The following ZNF519 variants were observed in gnomAD, a reference collection of about 807,000 sequenced individuals.
ZNF519 encodes the protein zinc finger protein 519, also known as similar to Zinc finger protein 85 (Zinc finger protein HPF4) (HTF1).
A neutral mutation model predicts 7.4 loss-of-function variants in ZNF519; 7 were observed. The ratio of observed to expected loss-of-function variants is 0.94; its 90% CI spans 0.54 to 1.77. The LOEUF is 1.77. Among genes scored for constraint, ZNF519 ranks in the 40% most tolerant of loss-of-function variants. The pLI is 0.00. For synonymous variants in ZNF519, 179 were observed against 203.3 expected, an observed-to-expected ratio of 0.88 and a Z score of 1.02; for missense variants, 586 against 623.1, an observed-to-expected ratio of 0.94 and a Z score of 0.63.
chr18:14,071,379 C>G (rs2046027614), downstream of ZNF519: 2 of 152,000 alleles, frequency 1.3e-5, no homozygotes, highest in South Asian at 4.1e-4. Context: ...CATATACAGA[C>G]ATAGATATAG....
At chr18:14,081,983 T>C (rs1200326116) in intron 3 of ZNF519, among the ~76,000 whole-genome samples, 2 of 151,772 alleles carry the variant, frequency 1.3e-5, no homozygotes, top group Non-Finnish European at 2.9e-5. Flanking sequence ...TTAAAAACTA[T>C]GAAAATAAAA....
intron 2 of ZNF519, among the ~76,000 whole-genome samples, chr18:14,118,745 GTCC>G (rs1287118899): frequency 6.6e-6 from 1 of 152,216 alleles, no homozygotes; most frequent in East Asian, 1.9e-4. Flanking sequence ...TTCAGAAATA[GTCC>G]TCCTATCAAG....
chr18:14,089,762 AT>A (rs1433707417), intron 2 of ZNF519, among the ~76,000 whole-genome samples: 1 of 152,180 alleles, frequency 6.6e-6, no homozygotes, highest in African/African-American at 2.4e-5. Flanking sequence ...TTTATACAAA[AT>A]TTTTTAAAGG....
At chr18:14,099,378 C>A (rs1233918762), downstream of ZNF519, among the ~76,000 whole-genome samples, 1 of 152,170 alleles carries the variant, frequency 6.6e-6, no homozygotes, top group Non-Finnish European at 1.5e-5. Context: ...TATAACTCAT[C>A]TTTTAGCTCT....
rs2143121436 is a variant in ZNF519, at chr18:14,103,834, G to A, written c.*1083C>T. 6.6e-6 allele frequency: 1 copy of A among 152,072 alleles called. No homozygotes were observed. The highest frequency in any genetic ancestry group is 2.1e-4 in the South Asian group (1 of 4,818). 9.4% of individuals were successfully genotyped at this position (152,072 alleles called of 1,614,324 possible). A position where few individuals can be genotyped will look rare whatever the true frequency, so the allele number is the denominator to read the frequency against. On this transcript the variant is annotated 3_prime_UTR_variant, in exon 3 of 3. Transcript: ENST00000590202. ...TGGAATAAGTTAACATTTTTGTCAG[G>A]ATAAGACATTATTCAATAAGCAACA...
At chr18:14,074,302 G>GT (rs544826165), downstream of ZNF519, 4 of 152,140 alleles carry the variant, frequency 2.6e-5, no homozygotes, top group Non-Finnish European at 4.4e-5. Flanking sequence ...TCAGGATTCG[G>GT]TAGGAGGTCT....
At chr18:14,109,424 C>T (rs774725007) in intron 2 of ZNF519, among the ~76,000 whole-genome samples, 26 of 152,232 alleles carry the variant, frequency 1.7e-4, no homozygotes, top group Non-Finnish European at 3.7e-4. Context: ...TTTTTCTCTG[C>T]AGTGCATGAA....
intron 2 of ZNF519, among the ~76,000 whole-genome samples, chr18:14,117,781 G>C (rs1165339675): frequency 6.6e-6 from 1 of 152,008 alleles, no homozygotes; most frequent in African/African-American, 2.4e-5. Flanking sequence ...GTGAGGGTGG[G>C]GGTGCCACAT....
chr18:14,115,759 A>C (rs1184383933), intron 2 of ZNF519, among the ~76,000 whole-genome samples: 2 of 152,218 alleles, frequency 1.3e-5, no homozygotes, highest in African/African-American at 4.8e-5. Context: ...TATTCACAAT[A>C]AATACATTTT....
intron 2 of ZNF519, among the ~76,000 whole-genome samples, chr18:14,087,568 A>T (rs2046096709): frequency 6.6e-6 from 1 of 152,176 alleles, no homozygotes; most frequent in Non-Finnish European, 1.5e-5. Context: ...CAGCCAGATA[A>T]CACAGGCAGA....
At position 14,124,744 on chromosome 18, in the gene ZNF519, G is replaced by A. The variant is rs145845631; in HGVS notation, c.4-268C>T. Among the ~76,000 whole-genome samples the A allele has an allele frequency of 2.4e-3, 364 of 152,056 alleles. 4 individuals are homozygous for A. Among genetic ancestry groups the A allele is most frequent in the African/African-American group, 8.4e-3 (349 of 41,458 alleles). ...CCCTGTGACCTCCTTCTGGAACAAC[G>A]GGTGAACTCACCTCTCATTAAAGTA... On this transcript the variant is annotated intron_variant, in intron 1 of 2. Transcript: ENST00000590202.
At chr18:14,082,803 T>C (rs1271109932) in intron 3 of ZNF519, 2 of 151,970 alleles carry the variant, frequency 1.3e-5, no homozygotes, top group East Asian at 3.9e-4. Flanking sequence ...TCCTCCTCTA[T>C]CAGCTACTCA....
intron 2 of ZNF519, among the ~76,000 whole-genome samples, chr18:14,111,933 A>G (rs1185314378): frequency 6.6e-6 from 1 of 152,220 alleles, no homozygotes; most frequent in Admixed American, 6.5e-5. Context: ...GGCAAGCATT[A>G]CTCTCATACT....
rs2046285080 is a variant in ZNF519 at position 14,124,275 on chromosome 18, CAA to C, written c.130+73_130+74del. The C allele has an allele frequency of 3.5e-6, 5 of 1,409,240 alleles. No individual in the cohort carries two copies. In the Middle Eastern group the frequency reaches 7.4e-4, roughly 209 times the overall value. 87.3% of individuals were successfully genotyped at this position (1,409,240 alleles called of 1,614,324 possible). A position where few individuals can be genotyped will look rare whatever the true frequency, so the allele number is the denominator to read the frequency against. On this transcript the variant is annotated intron_variant, in intron 2 of 2. Transcript: ENST00000590202. ...TTAATTCATGCAAAGCAGAAGCTCT[CAA>C]GAGACAGTCTACAAAGAAAGAAAAT...
In ZNF519 at chr18:14,078,430, T is replaced by G. The variant is rs144786906; in HGVS notation, c.*178-132A>C. The G allele has an allele frequency of 4.6e-3, 696 of 152,254 alleles. 6 individuals are homozygous for G. Among genetic ancestry groups the G allele is most frequent in the African/African-American group, 0.015 (617 of 41,546 alleles). 9.4% of individuals were successfully genotyped at this position (152,254 alleles called of 1,614,324 possible). ...TGTAGAGACTCCAAACTGCACAATA[T>G]TTACAGAAAAAAATAGACATTTATC... On this transcript the variant is annotated intron_variant and NMD_transcript_variant, in intron 3 of 4. Transcript: ENST00000587419.
At chr18:14,089,617 G>T (rs1037586742) in intron 2 of ZNF519, among the ~76,000 whole-genome samples, 1 of 152,046 alleles carries the variant, frequency 6.6e-6, no homozygotes, top group Non-Finnish European at 1.5e-5. Flanking sequence ...AGTGGATATT[G>T]GTTAACAAGT....
chr18:14,095,149 AGTT>A (rs112815137), downstream of ZNF519, among the ~76,000 whole-genome samples: 7,084 of 152,124 alleles, frequency 0.047, 533 homozygotes, highest in African/African-American at 0.16. Flanking sequence ...GTGTGTCCAT[AGTT>A]GTTATGTTCT....
At chr18:14,088,947 G>T (rs1045043285) in intron 2 of ZNF519, among the ~76,000 whole-genome samples, 2 of 151,148 alleles carry the variant, frequency 1.3e-5, no homozygotes, top group Non-Finnish European at 2.9e-5. Flanking sequence ...TGTAAGATAT[G>T]TTTTTGGAAT....
chr18:14,119,776 C>T (rs188858375), intron 2 of ZNF519, among the ~76,000 whole-genome samples: 2 of 152,162 alleles, frequency 1.3e-5, no homozygotes, highest in East Asian at 3.9e-4. Flanking sequence ...ATATTTGTTG[C>T]ATTTCCATAC....
Sources: gnomAD v4.1 joint callset for allele counts (sites outside exome capture counted in the v4.1 genomes callset) on GRCh38, gnomAD v4.1.1 for gene constraint, MANE v1.5 for transcripts, NCBI Gene and HGNC (gene_info 2026-07-23, HGNC 2026-07-21) for gene names.